PDE4B: variants seen among roughly 807,000 people sequenced by gnomAD.
PDE4B encodes the protein phosphodiesterase 4B, also known as 3',5'-cyclic-AMP phosphodiesterase 4B.
A neutral mutation model predicts 82.2 loss-of-function variants in PDE4B; 20 were observed. The observed-to-expected ratio is 0.24, with a 90% CI of 0.17 to 0.35. PDE4B has a LOEUF of 0.35. Among genes scored for constraint, PDE4B ranks in the 10% least tolerant of loss-of-function variants. The pLI, the probability that PDE4B is intolerant of heterozygous loss-of-function variation, is 1.00. For synonymous variants in PDE4B, 320 were observed against 318.9 expected (o/e 1.00, Z -0.04); for missense variants, 655 against 907.2 (o/e 0.72, Z 3.57).
intron 3 of PDE4B, chr1:65,992,897 C>T (rs758704723): frequency 1.2e-6 from 2 of 1,612,586 alleles, no homozygotes; most frequent in African/African-American, 1.3e-5. Flanking sequence ...GCTAGCACTC[C>T]TTACAAGACA....
intron 3 of PDE4B, among the ~76,000 whole-genome samples, chr1:66,124,857 C>A (rs1378223854): frequency 2.0e-5 from 3 of 151,986 alleles, no homozygotes; most frequent in Admixed American, 6.6e-5. Context: ...CAAAGATATG[C>A]TCCTTAAGTG....
chr1:66,369,059 A>G, intron 16 of PDE4B, 90 bp downstream of exon 16: 2 of 957,312 alleles, frequency 2.1e-6, no homozygotes, highest in Admixed American at 3.0e-5. Context: ...CCAATAGAAT[A>G]TGTATATATG....
At position 66,367,969 on chromosome 1, in the gene PDE4B, T is replaced by C; in HGVS notation, c.1566T>C (p.His522=). 1 of 1,613,878 alleles carries C rather than the reference T, an allele frequency of 6.2e-7. No homozygotes were observed. The highest frequency in any genetic ancestry group is 8.5e-7 in the Non-Finnish European group (1 of 1,179,818). ...TGTTAGCAACTGATATGTCTAAACA[T>C]ATGAGCCTGCTGGCAGACCTGAAGA... The part of the protein sequence containing the change: ...DMVLATDMSK[H]MSLLADLKTM... Residue 522 remains histidine, a synonymous_variant, in exon 15 of 17, where the codon CAT becomes CAC. Coordinates refer to ENST00000341517, the MANE Select transcript of PDE4B (RefSeq NM_002600.4).
rs183698034 is a variant in PDE4B, at chr1:66,158,678, C to T, written c.282-88782C>T. Among the ~76,000 whole-genome samples, 288 of 152,220 alleles carry T rather than the reference C, an allele frequency of 1.9e-3. 3 individuals carry two copies. The highest frequency in any genetic ancestry group is 6.8e-3 in the African/African-American group (281 of 41,542). ...CGCATTATTCACAATAGCCAAAATA[C>T]GGAATCAAACTAAGTGCCTATCAGT... On this transcript the variant is annotated intron_variant, in intron 3 of 16. Transcript: ENST00000341517.
At chr1:65,811,899 A>T (rs529753476) in intron 1 of PDE4B, among the ~76,000 whole-genome samples, 79 of 152,324 alleles carry the variant, frequency 5.2e-4, no homozygotes, top group Non-Finnish European at 1.1e-3. Context: ...TTAAATAAAA[A>T]TTACATGAAA....
intron 3 of PDE4B, among the ~76,000 whole-genome samples, chr1:66,179,125 A>G (rs967850677): frequency 1.3e-5 from 2 of 152,194 alleles, no homozygotes; most frequent in South Asian, 2.1e-4. Context: ...GTGCTGGATT[A>G]CAGGCGTGAG....
At chr1:66,008,462 CA>C (rs1253894237) in intron 3 of PDE4B, among the ~76,000 whole-genome samples, 1 of 152,058 alleles carries the variant, frequency 6.6e-6, no homozygotes, top group Admixed American at 6.6e-5. Context: ...AGTACTCACC[CA>C]CAAGGGCTTT....
intron 1 of PDE4B, among the ~76,000 whole-genome samples, chr1:65,802,188 A>G (rs1375994338): frequency 1.3e-5 from 2 of 152,244 alleles, no homozygotes; most frequent in Non-Finnish European, 2.9e-5. Flanking sequence ...TTTATACAAC[A>G]TAAAGTGTCA....
At chr1:65,907,374 T>C (rs985189502) in intron 1 of PDE4B, among the ~76,000 whole-genome samples, 1 of 152,184 alleles carries the variant, frequency 6.6e-6, no homozygotes, top group Non-Finnish European at 1.5e-5. Flanking sequence ...CTGCTAGTTT[T>C]CTGGAATTTC....
At chr1:65,820,408 G>T (rs74394378) in intron 1 of PDE4B, among the ~76,000 whole-genome samples, 2,655 of 152,148 alleles carry the variant, frequency 0.017, 86 homozygotes, top group African/African-American at 0.061. Context: ...CTTGTTTTAT[G>T]GTTAAAATAA....
intron 4 of PDE4B, among the ~76,000 whole-genome samples, chr1:66,254,566 C>A (rs1333349502): frequency 6.6e-6 from 1 of 152,090 alleles, no homozygotes; most frequent in Non-Finnish European, 1.5e-5. Context: ...CTCAGTCTTC[C>A]TGCTCGATGT....
At chr1:66,246,805 C>A (rs1447150359) in intron 3 of PDE4B, among the ~76,000 whole-genome samples, 1 of 152,184 alleles carries the variant, frequency 6.6e-6, no homozygotes, top group East Asian at 1.9e-4. Flanking sequence ...CCCCCAGAGA[C>A]AAAGCTCTGC....
intron 7 of PDE4B, among the ~76,000 whole-genome samples, chr1:66,275,847 CT>C (rs775550747): frequency 6.6e-6 from 1 of 152,196 alleles, no homozygotes; most frequent in Non-Finnish European, 1.5e-5. Flanking sequence ...GGATCTTTTT[CT>C]TGGTTTATTG....
chr1:66,202,741 C>G (rs905432497), intron 3 of PDE4B, among the ~76,000 whole-genome samples: 78 of 152,106 alleles, frequency 5.1e-4, no homozygotes, highest in African/African-American at 1.7e-3. Flanking sequence ...CTACGTGTGT[C>G]TCGGCACGTG....
chr1:66,179,566 G>C (rs909315450), intron 3 of PDE4B, among the ~76,000 whole-genome samples: 8 of 152,204 alleles, frequency 5.3e-5, no homozygotes, highest in Admixed American at 6.5e-5. Context: ...TAACCTATTT[G>C]TTCCTTACTG....
chr1:66,092,906 G>T (rs552180853), intron 3 of PDE4B, among the ~76,000 whole-genome samples: 18 of 152,122 alleles, frequency 1.2e-4, no homozygotes, highest in Admixed American at 9.2e-4. Flanking sequence ...ATTTCAGAGG[G>T]TTTCAAAAGG....
At chr1:66,062,097 G>C (rs12133853) in intron 3 of PDE4B, among the ~76,000 whole-genome samples, 71,800 of 151,840 alleles carry the variant, frequency 0.47, 17,630 homozygotes, top group Non-Finnish European at 0.54. Context: ...GCAAAAGGTT[G>C]AATACTTTAG....
rs139330007 is a variant in PDE4B, at chr1:65,816,190, A to AGTGTGTGTGTGTGT, written c.-71+22965_-71+22978dup. Reference sequence around the variant, plus strand: ...TTCTGTTTTTAGTGATTATTAATGCAGTGTGTGTGTGTGTGTGTGTGTGTG... The same window carrying AGTGTGTGTGTGTGT: ...TTCTGTTTTTAGTGATTATTAATGCAGTGTGTGTGTGTGTGTGTGTGTGTGTGTGTGTGTGTGTG... On this transcript the variant is annotated intron_variant, in intron 1 of 16. Transcript: ENST00000341517. Among the ~76,000 whole-genome samples, 327 of 132,864 alleles carry AGTGTGTGTGTGTGT rather than the reference A, an allele frequency of 2.5e-3. 4 individuals are homozygous for AGTGTGTGTGTGTGT. Among genetic ancestry groups the AGTGTGTGTGTGTGT allele is most frequent in the Middle Eastern group, 4.0e-3 (1 of 252 alleles). 87.2% of individuals were successfully genotyped at this position (132,864 alleles called of 152,430 possible). A position where few individuals can be genotyped will look rare whatever the true frequency, so the allele number is the denominator to read the frequency against.
In PDE4B at chr1:66,185,797, C is replaced by A. The variant is rs188914703; in HGVS notation, c.282-61663C>A. Among the ~76,000 whole-genome samples, 9 of 151,914 alleles carry A rather than the reference C, an allele frequency of 5.9e-5. No individual in the cohort carries two copies. In the East Asian group the frequency reaches 1.7e-3, roughly 29 times the overall value. ...CCATTCTGTAGGTTGCCTTTTCATT[C>A]TGATGGTAGTTTCTTTTGCTGTGCA... On this transcript the variant is annotated intron_variant, in intron 3 of 16. Coordinates refer to ENST00000341517, the MANE Select transcript of PDE4B (RefSeq NM_002600.4).
Sources: gnomAD v4.1 joint callset for allele counts (sites outside exome capture counted in the v4.1 genomes callset) on GRCh38, gnomAD v4.1.1 for gene constraint, MANE v1.5 for transcripts, NCBI Gene and HGNC (gene_info 2026-07-23, HGNC 2026-07-21) for gene names.